The following AOAH variants were observed in gnomAD, a reference collection of about 807,000 sequenced individuals.
AOAH encodes the protein acyloxyacyl hydrolase (neutrophil).
Under a neutral mutation model 92.2 loss-of-function variants are expected in AOAH, and 64 were observed. The ratio of observed to expected loss-of-function variants is 0.69; its 90% confidence interval spans 0.57 to 0.86. AOAH has a LOEUF of 0.86. Among genes scored for constraint, AOAH ranks in the 40% least tolerant of loss-of-function variants. AOAH has a pLI of 0.00. For synonymous variants in AOAH, 263 were observed against 254.5 expected, an observed-to-expected ratio of 1.03 and a Z score of -0.32; for missense variants, 656 against 694.6, an observed-to-expected ratio of 0.94 and a Z score of 0.62.
At chr7:36,597,020 C>G (rs1442449951) in intron 11 of AOAH, among the ~76,000 whole-genome samples, 1 of 152,178 alleles carries the variant, frequency 6.6e-6, no homozygotes, top group Admixed American at 6.5e-5. Context: ...CCTCCTTCTT[C>G]AATTGCCTCC....
At chr7:36,648,762 G>A (rs1236862386) in intron 4 of AOAH, among the ~76,000 whole-genome samples, 1 of 151,780 alleles carries the variant, frequency 6.6e-6, no homozygotes. Flanking sequence ...GAGTAATCCA[G>A]TGTTTTACCA....
intron 13 of AOAH, among the ~76,000 whole-genome samples, chr7:36,559,098 G>A (rs908676731): frequency 6.6e-6 from 1 of 152,230 alleles, no homozygotes; most frequent in African/African-American, 2.4e-5. Context: ...GACCAGAGCT[G>A]TTCCTATTCA....
chr7:36,699,641 T>G (rs1366780251), intron 1 of AOAH, among the ~76,000 whole-genome samples: 19 of 150,038 alleles, frequency 1.3e-4, no homozygotes, highest in East Asian at 3.9e-4. Context: ...TTATTTGTTT[T>G]TTTTTTTTTT....
chr7:36,566,290 T>A (rs965310733), intron 13 of AOAH, among the ~76,000 whole-genome samples: 14 of 152,058 alleles, frequency 9.2e-5, no homozygotes, highest in African/African-American at 1.2e-4. Flanking sequence ...AAATAAGTCC[T>A]TCTACGTGTA....
At chr7:36,664,121 C>A (rs1795393145) in intron 3 of AOAH, among the ~76,000 whole-genome samples, 1 of 151,748 alleles carries the variant, frequency 6.6e-6, no homozygotes, top group East Asian at 1.9e-4. Context: ...GATAACAGAT[C>A]TTTATTAAAT....
rs775209756 is a variant in AOAH, at chr7:36,632,036, A to G, written c.521T>C (p.Leu174Ser). ...VLAKICQKIKLAMEQSVPFKD... is the reference protein window; with the variant it reads ...VLAKICQKIKSAMEQSVPFKD... ...AGGAAGGTAGAAATTGTATACATAC[A>G]ATTTAATTTTCTGGCAGATCTTGGC... is the stretch of plus-strand genomic sequence containing the variant. Residue 174 changes from leucine (L) to serine (S), a missense_variant and splice_region_variant, in exon 6 of 21, where the codon TTA becomes TCA. Physicochemically the swap from Leu to Ser is moderately radical, Grantham distance 145. Transcript: ENST00000617537. 1 of 1,610,354 alleles carries G rather than the reference A, an allele frequency of 6.2e-7. No individual in the cohort carries two copies. Among genetic ancestry groups the G allele is most frequent in the Admixed American group, 1.7e-5 (1 of 59,796 alleles).
chr7:36,646,533 T>C (rs953355696), intron 4 of AOAH, among the ~76,000 whole-genome samples: 1 of 152,256 alleles, frequency 6.6e-6, no homozygotes, highest in Non-Finnish European at 1.5e-5. Flanking sequence ...TCTTACTCTA[T>C]GTTACACAAC....
chr7:36,543,381 T>G (rs943352350), intron 15 of AOAH, among the ~76,000 whole-genome samples: 4 of 152,172 alleles, frequency 2.6e-5, no homozygotes, highest in African/African-American at 9.7e-5. Context: ...AAAGGCAAGT[T>G]GGGTGTCTAT....
intron 13 of AOAH, among the ~76,000 whole-genome samples, chr7:36,571,597 T>C (rs919990677): frequency 6.6e-6 from 1 of 152,230 alleles, no homozygotes; most frequent in East Asian, 1.9e-4. Flanking sequence ...GTCTGTCTGC[T>C]GCTGCTCACT....
intron 1 of AOAH, chr7:36,690,296 CA>C: frequency 2.7e-6 from 1 of 376,838 alleles, no homozygotes; most frequent in Non-Finnish European, 5.2e-6. Flanking sequence ...TTATGATGAT[CA>C]AAAGGACCCT....
intron 19 of AOAH, among the ~76,000 whole-genome samples, chr7:36,523,165 G>A (rs181519832): frequency 2.0e-5 from 3 of 152,302 alleles, no homozygotes; most frequent in Admixed American, 6.5e-5. Flanking sequence ...TGATGGTTTG[G>A]AGTCCTACAC....
rs540093823 is a variant in AOAH at position 36,557,004 on chromosome 7, TG to T, written c.1022-7530del. ...TTTACATTTAAAGTTAATATTGTTA[TG>T]TGTGAATTTGATCCTGTCATTATGA... On this transcript the variant is annotated intron_variant, in intron 13 of 20. Coordinates refer to ENST00000617537, the MANE Select transcript of AOAH (RefSeq NM_001637.4). 2.0e-3 allele frequency among the ~76,000 whole-genome samples: 300 copies of T among 152,070 alleles called. 1 individual carries two copies. The highest frequency in any genetic ancestry group is 7.1e-3 in the African/African-American group (295 of 41,520).
chr7:36,656,303 G>A (rs976691848), intron 4 of AOAH, among the ~76,000 whole-genome samples: 18 of 152,146 alleles, frequency 1.2e-4, no homozygotes, highest in African/African-American at 4.1e-4. Flanking sequence ...CCTTTGATAC[G>A]ACATTCAAGG....
chr7:36,667,607 C>T (rs1054776495), intron 3 of AOAH, among the ~76,000 whole-genome samples: 8 of 152,206 alleles, frequency 5.3e-5, no homozygotes, highest in African/African-American at 1.4e-4. Context: ...TATGTCTTTA[C>T]TGATTTTCTG....
intron 1 of AOAH, among the ~76,000 whole-genome samples, chr7:36,708,850 G>C (rs1044231045): frequency 1.3e-5 from 2 of 152,146 alleles, no homozygotes; most frequent in African/African-American, 2.4e-5. Flanking sequence ...AACTTTTGCT[G>C]AAACACTTCA....
At chr7:36,515,466 AC>A (rs1369824940) in intron 20 of AOAH, among the ~76,000 whole-genome samples, 5 of 75,366 alleles carry the variant, frequency 6.6e-5, no homozygotes, top group Non-Finnish European at 9.7e-5. Flanking sequence ...CACACACCAC[AC>A]CCCTCACAAC....
In AOAH at chr7:36,591,170, A is replaced by G. The variant is rs1474574347; in HGVS notation, c.938+3169T>C. On this transcript the variant is annotated intron_variant, in intron 12 of 20. Transcript: ENST00000617537. The stretch of plus-strand genomic sequence containing the variant: ...GTGGCAGCAAACACAGGCACAGTAC[A>G]CAGAAACAGCTGGCAAAAAGAGCAT... Among the ~76,000 whole-genome samples, 3 of 152,328 alleles carry G rather than the reference A, an allele frequency of 2.0e-5. No homozygotes were observed. The East Asian group carries it at 5.8e-4, about 29-fold the overall frequency.
intron 20 of AOAH, among the ~76,000 whole-genome samples, chr7:36,515,161 CCACA>C (rs796262626): frequency 7.3e-6 from 1 of 137,860 alleles, no homozygotes; most frequent in South Asian, 2.4e-4. Flanking sequence ...CAACCCCACA[CCACA>C]CACACAAACA....
chr7:36,543,310 C>T (rs188880292), intron 15 of AOAH, among the ~76,000 whole-genome samples: 68 of 152,260 alleles, frequency 4.5e-4, no homozygotes, highest in Admixed American at 1.1e-3. Flanking sequence ...GAAGAACCTG[C>T]CCCAAGTATC....
Sources: allele counts gnomAD v4.1 joint callset (sites outside exome capture counted in the v4.1 genomes callset), GRCh38; gene constraint gnomAD v4.1.1; transcripts MANE v1.5; gene names NCBI Gene and HGNC (gene_info 2026-07-23, HGNC 2026-07-21).